The following CTNNA1 variants were observed in gnomAD, a reference collection of about 807,000 sequenced individuals.
CTNNA1 encodes catenin alpha-1.
In CTNNA1, 37 loss-of-function variants were observed where a neutral mutation model predicts 98.4. That is an observed-to-expected ratio of 0.38 (90% CI 0.29 to 0.49). CTNNA1 has a LOEUF of 0.49. Ranked by LOEUF, CTNNA1 falls within the 20% of genes least tolerant of loss-of-function variation. CTNNA1 has a pLI of 0.95. For missense variants in CTNNA1, 761 were observed against 1,147.2 expected (o/e 0.66, Z 4.86); for synonymous variants, 404 against 413.2 (o/e 0.98, Z 0.27).
intron 10 of CTNNA1, among the ~76,000 whole-genome samples, chr5:138,915,780 T>G (rs183297123): frequency 6.6e-6 from 1 of 152,240 alleles, no homozygotes; most frequent in African/African-American, 2.4e-5. Context: ...TTTGAAAACA[T>G]TATGTTAGGC....
At chr5:138,834,763 G>C (rs1043604610) in intron 7 of CTNNA1, among the ~76,000 whole-genome samples, 3 of 152,186 alleles carry the variant, frequency 2.0e-5, no homozygotes, top group Admixed American at 6.5e-5. Context: ...TGGGATAGCT[G>C]CTTGAAGTGA....
chr5:138,775,714 CTTTTTTTTTT>C lies in CTNNA1; in HGVS notation c.-2-6193_-2-6184del, dbSNP rs750615535. Among the ~76,000 whole-genome samples, 45 of 82,506 alleles carry C rather than the reference CTTTTTTTTTT, an allele frequency of 5.5e-4. No individual in the cohort carries two copies. The South Asian group carries it at 0.015, about 28-fold the overall frequency. 54.1% of individuals were successfully genotyped at this position (82,506 alleles called of 152,430 possible). On this transcript the variant is annotated intron_variant, in intron 1 of 17. Transcript: ENST00000302763. Reference sequence around the variant, plus strand: ...AGCCTCCTTTAATCTGGAAATATTTCTTTTTTTTTTTTTTTTTTTTTTTTTGAGTCGGAGT... The same window carrying C: ...AGCCTCCTTTAATCTGGAAATATTTCTTTTTTTTTTTTTTTGAGTCGGAGT...
chr5:138,825,400 A>G (rs1335264268), intron 6 of CTNNA1, among the ~76,000 whole-genome samples: 1 of 150,218 alleles, frequency 6.7e-6, no homozygotes, highest in East Asian at 2.0e-4. Flanking sequence ...CACAACTCTT[A>G]AGGTTAACTT....
intron 1 of CTNNA1, among the ~76,000 whole-genome samples, chr5:138,757,417 T>C (rs373527112): frequency 6.6e-6 from 1 of 152,000 alleles, no homozygotes; most frequent in East Asian, 1.9e-4. Context: ...TGCTGTGAAC[T>C]ATGATCATGC....
chr5:138,860,195 AAT>A (rs1269018774), intron 7 of CTNNA1, among the ~76,000 whole-genome samples: 1 of 152,214 alleles, frequency 6.6e-6, no homozygotes, highest in Middle Eastern at 3.2e-3. Context: ...TTTTACTGGA[AAT>A]ATATTTGTTT....
rs1581364131 is a variant in CTNNA1 at position 138,870,263 on chromosome 5, A to G, written c.1063-15949A>G. On this transcript the variant is annotated intron_variant, in intron 7 of 17. Coordinates refer to ENST00000302763, the MANE Select transcript of CTNNA1 (RefSeq NM_001903.5). ...CAGATGACTAACAGTCTAATCTTCAAACCTGTGCTGATTCTGAAACACAAA... is the reference window on the plus strand; with the variant it reads ...CAGATGACTAACAGTCTAATCTTCAGACCTGTGCTGATTCTGAAACACAAA... 4 of 152,340 alleles carry G rather than the reference A, an allele frequency of 2.6e-5. No individual in the cohort carries two copies. The South Asian group carries it at 8.3e-4, about 32-fold the overall frequency. The allele number at this position is 152,340 out of a possible 1,614,324, so 9.4% of individuals were successfully genotyped here. A position where few individuals can be genotyped will look rare whatever the true frequency, so the allele number is the denominator to read the frequency against.
chr5:138,790,483 T>G (rs1172142549), intron 3 of CTNNA1, among the ~76,000 whole-genome samples: 2 of 152,216 alleles, frequency 1.3e-5, no homozygotes, highest in South Asian at 4.1e-4. Context: ...CTGAAACATG[T>G]TATTTGTGTG....
At chr5:138,859,588 T>G (rs1764073022) in intron 7 of CTNNA1, among the ~76,000 whole-genome samples, 1 of 152,242 alleles carries the variant, frequency 6.6e-6, no homozygotes, top group South Asian at 2.1e-4. Flanking sequence ...CTTAATAGTC[T>G]TCTTAATCTT....
At chr5:138,895,103 A>G (rs918044535) in intron 9 of CTNNA1, among the ~76,000 whole-genome samples, 7 of 152,194 alleles carry the variant, frequency 4.6e-5, no homozygotes, top group Admixed American at 2.0e-4. Context: ...GACATGGGCC[A>G]AGAATAGTAC....
At chr5:138,786,655 C>G (rs1012745487) in intron 3 of CTNNA1, among the ~76,000 whole-genome samples, 1 of 152,172 alleles carries the variant, frequency 6.6e-6, no homozygotes, top group African/African-American at 2.4e-5. Context: ...GGGAAGCTGG[C>G]TGCTATGTCT....
intron 17 of CTNNA1, 73 bp downstream of exon 17, chr5:138,932,785 T>TA: frequency 6.4e-7 from 1 of 1,574,184 alleles, no homozygotes; most frequent in Admixed American, 1.7e-5. Context: ...AGTCACCTCC[T>TA]ATCCGCATAA....
chr5:138,895,322 CTTT>C (rs1756533589), intron 9 of CTNNA1, among the ~76,000 whole-genome samples: 1 of 152,136 alleles, frequency 6.6e-6, no homozygotes, highest in Non-Finnish European at 1.5e-5. Flanking sequence ...TGTTAGTGGA[CTTT>C]GTCTTATTCT....
chr5:138,785,286 C>A (rs1157434920), intron 3 of CTNNA1, among the ~76,000 whole-genome samples: 2 of 151,972 alleles, frequency 1.3e-5, no homozygotes, highest in South Asian at 2.1e-4. Flanking sequence ...TGGTCTCGAT[C>A]TCCTGACCTC....
rs935824136 is a variant in CTNNA1 at position 138,753,463 on chromosome 5, C to A, written c.-50C>A. The A allele has an allele frequency of 2.6e-6, 1 of 378,012 alleles. No homozygotes were observed. The highest frequency in any genetic ancestry group is 4.7e-6 in the Non-Finnish European group (1 of 212,596). 23.4% of individuals were successfully genotyped at this position (378,012 alleles called of 1,614,324 possible). A position where few individuals can be genotyped will look rare whatever the true frequency, so the allele number is the denominator to read the frequency against. Reference sequence around the variant, plus strand: ...GACTGGAGGGAGACAAAGCAGCGCCCGTCTGCTTCGGGCCTCTGGAATTTA... The same window carrying A: ...GACTGGAGGGAGACAAAGCAGCGCCAGTCTGCTTCGGGCCTCTGGAATTTA... On this transcript the variant is annotated 5_prime_UTR_variant, in exon 1 of 18. Coordinates refer to ENST00000302763, the MANE Select transcript of CTNNA1 (RefSeq NM_001903.5).
In CTNNA1 at chr5:138,836,667, C is replaced by A. The variant is rs1361834273; in HGVS notation, c.1062+8949C>A. Among the ~76,000 whole-genome samples, 3 of 152,144 alleles carry A rather than the reference C, an allele frequency of 2.0e-5. 1 individual carries two copies. The highest frequency in any genetic ancestry group is 7.2e-5 in the African/African-American group (3 of 41,430). On this transcript the variant is annotated intron_variant, in intron 7 of 17. Transcript: ENST00000302763. ...CAGAATGATGGAGCAGGCATGTAAG[C>A]CTGCCCAGTGTTAGGCAGCAGGTGG...
At chr5:138,848,269 A>G (rs552926816) in intron 7 of CTNNA1, among the ~76,000 whole-genome samples, 1 of 152,382 alleles carries the variant, frequency 6.6e-6, no homozygotes, top group African/African-American at 2.4e-5. Context: ...TGCACCCATC[A>G]TGGTTGCAAG....
intron 3 of CTNNA1, among the ~76,000 whole-genome samples, chr5:138,802,096 G>A (rs907665293): frequency 3.3e-5 from 5 of 152,082 alleles, no homozygotes; most frequent in African/African-American, 1.2e-4. Context: ...ATGATGATTC[G>A]CCAAGGGATT....
chr5:138,875,850 A>G (rs1173783130), intron 7 of CTNNA1: 1 of 470,758 alleles, frequency 2.1e-6, no homozygotes, highest in African/African-American at 2.1e-5. Flanking sequence ...TAAACTAGCT[A>G]AGTGGGCTTG....
intron 3 of CTNNA1, among the ~76,000 whole-genome samples, chr5:138,784,222 TGTTAG>T (rs1308036009): frequency 6.6e-6 from 1 of 152,174 alleles, no homozygotes; most frequent in East Asian, 1.9e-4. Context: ...TGTAGTTGTG[TGTTAG>T]GTTTCTTTTC....
Sources: gnomAD v4.1 joint callset for allele counts (sites outside exome capture counted in the v4.1 genomes callset) on GRCh38, gnomAD v4.1.1 for gene constraint, MANE v1.5 for transcripts, NCBI Gene and HGNC (gene_info 2026-07-23, HGNC 2026-07-21) for gene names.